The following ZMIZ2 variants were observed in gnomAD, a reference collection of about 807,000 sequenced individuals.
The protein encoded by ZMIZ2 is zinc finger MIZ-type containing 2, also known as zinc finger MIZ domain-containing protein 2.
ZMIZ2 carries 26 observed loss-of-function variants against 93.9 expected under a neutral mutation model. That is an observed-to-expected ratio of 0.28 (90% confidence interval 0.20 to 0.38). The LOEUF (loss-of-function observed/expected upper bound fraction) is 0.38. Ranked by LOEUF, ZMIZ2 falls within the 10% of genes least tolerant of loss-of-function variation. The pLI is 1.00. For missense variants in ZMIZ2, 1,023 were observed against 1,235.0 expected (o/e 0.83, Z 2.57); for synonymous variants, 485 against 516.4 (o/e 0.94, Z 0.82).
Position 44,760,469 on chromosome 7 carries a change from G to A in ZMIZ2, c.1116G>A (p.Gly372=), listed in dbSNP as rs752006939. 6 of 1,613,932 alleles carry A rather than the reference G, an allele frequency of 3.7e-6. No homozygotes were observed. Among genetic ancestry groups the A allele is most frequent in the African/African-American group, 2.7e-5 (2 of 74,860 alleles). Residue 372 remains glycine (G), a synonymous_variant, in exon 9 of 19, where the codon GGG becomes GGA. Coordinates refer to ENST00000309315, the MANE Select transcript of ZMIZ2 (RefSeq NM_031449.4). ...GCTATCCCAGTTCCCCACTGCCAGG[G>A]AACCCCACGCCACCCATGACCCCAA... ...IPGYPSSPLP[G]NPTPPMTPSS...
chr7:44,761,449 G>A lies in ZMIZ2; in HGVS notation c.1241G>A (p.Gly414Glu). 1 of 1,612,890 alleles carries A rather than the reference G, an allele frequency of 6.2e-7. No individual in the cohort carries two copies. Among genetic ancestry groups the A allele is most frequent in the Non-Finnish European group, 8.5e-7 (1 of 1,179,988 alleles). ...CACAGCCAGTGGCCTCTGCTCCCAG[G>A]AAGCGGGCCTTGTGACGAGTTGCGG... ...NLNSLHSSPS[G>E]SGPCDELRLT... Residue 414 changes from glycine (G) to glutamate (E), a missense_variant and splice_region_variant, in exon 10 of 19, where the codon GGA becomes GAA. Coordinates refer to ENST00000309315, the MANE Select transcript of ZMIZ2 (RefSeq NM_031449.4). The surrounding 1 kb of genome is among the most constrained non-coding windows in gnomAD (Gnocchi z 5.8).
chr7:44,761,518 G>A lies in ZMIZ2; in HGVS notation c.1310G>A (p.Arg437His), dbSNP rs774578378. The change falls in exon 10 of 19, where the codon CGC becomes CAC. Residue 437 changes from arginine to histidine, a missense_variant. Arg to His is a conservative substitution (Grantham distance 29, BLOSUM62 0). Transcript: ENST00000309315. The surrounding 1 kb of genome is among the most constrained non-coding windows in gnomAD (Gnocchi z 5.8). Reference sequence around the variant, plus strand: ...GATGGGGTGGTCCTGGAGCCCTTCCGCCTGCAGCACAACCTGGCTGTAAGC... The same window carrying A: ...GATGGGGTGGTCCTGGAGCCCTTCCACCTGCAGCACAACCTGGCTGTAAGC... ...VRDGVVLEPF[R>H]LQHNLAVSNH... 10 of 1,613,964 alleles carry A rather than the reference G, an allele frequency of 6.2e-6. No individual in the cohort carries two copies. The highest frequency in any genetic ancestry group is 5.0e-5 in the Admixed American group (3 of 60,000).
chr7:44,764,093 G>A (rs1207725791), intron 13 of ZMIZ2, among the ~76,000 whole-genome samples: 1 of 152,108 alleles, frequency 6.6e-6, no homozygotes, highest in Admixed American at 6.5e-5. Flanking sequence ...AGCTGAGATC[G>A]AGCCACTGCA....
chr7:44,750,733 C>G lies in ZMIZ2; in HGVS notation c.-63+1742C>G, dbSNP rs183129543. Among the ~76,000 whole-genome samples the G allele has an allele frequency of 2.0e-5, 3 of 150,514 alleles. No homozygotes were observed. The East Asian group carries it at 5.9e-4, about 30-fold the overall frequency. ...GTCTAGAGGAAGATGTGATCTGACC[C>G]CCGAGAAAGCCTTGTGGCCCTCTAG... is the stretch of plus-strand genomic sequence containing the variant. On this transcript the variant is annotated intron_variant, in intron 1 of 18. Coordinates refer to ENST00000309315, the MANE Select transcript of ZMIZ2 (RefSeq NM_031449.4).
intron 3 of ZMIZ2, 75 bp downstream of exon 3, chr7:44,756,614 G>A (rs1790616287): frequency 2.7e-6 from 4 of 1,486,202 alleles, no homozygotes; most frequent in South Asian, 1.1e-5. Context: ...TGCCTCCTCA[G>A]AGCTCTGAGA....
chr7:44,766,982 C>T lies in ZMIZ2; in HGVS notation c.2655+319C>T, dbSNP rs543307064. ...GTCCATTTGCTCAGTAGCCCTGGGT[C>T]TTGACTCACAGGTGGAATGGGAGTG... is the stretch of plus-strand genomic sequence containing the variant. On this transcript the variant is annotated intron_variant, in intron 18 of 18. Transcript: ENST00000309315. This position sits in a 1 kb window ranked among gnomAD's most constrained non-coding sequence, Gnocchi z 4.4. Among the ~76,000 whole-genome samples the T allele has an allele frequency of 2.3e-4, 35 of 152,226 alleles. No homozygotes were observed. Among genetic ancestry groups the T allele is most frequent in the Admixed American group, 5.2e-4 (8 of 15,290 alleles).
rs528564949 is a variant in ZMIZ2, at chr7:44,767,890, CCCAGCCCTGT to C, written c.*274_*283del. Reference sequence around the variant, plus strand: ...AACGGTTTTTGCTGAGGTGCCCCTGCCCAGCCCTGTCCAGCCTTGTCCACACACACATCTC... The same window carrying C: ...AACGGTTTTTGCTGAGGTGCCCCTGCCCAGCCTTGTCCACACACACATCTC... On this transcript the variant is annotated 3_prime_UTR_variant, in exon 19 of 19. Coordinates refer to ENST00000309315, the MANE Select transcript of ZMIZ2 (RefSeq NM_031449.4). 1,483 of 536,998 alleles carry C rather than the reference CCCAGCCCTGT, an allele frequency of 2.8e-3. 13 individuals carry two copies. Among genetic ancestry groups the C allele is most frequent in the African/African-American group, 0.023 (1,217 of 52,584 alleles). 33.3% of individuals were successfully genotyped at this position (536,998 alleles called of 1,614,324 possible).
Position 44,756,188 on chromosome 7 carries a change from C to G in ZMIZ2, c.-62C>G. 6.2e-7 allele frequency: 1 copy of G among 1,611,434 alleles called. No individual in the cohort carries two copies. ...ACATCCCTTCCTTCCTGTCGGGCAGCCAGAGCAGCTGAGTTCCAGATAAAA... is the reference window on the plus strand; with the variant it reads ...ACATCCCTTCCTTCCTGTCGGGCAGGCAGAGCAGCTGAGTTCCAGATAAAA... On this transcript the variant is annotated splice_region_variant and 5_prime_UTR_variant, in exon 2 of 19. Coordinates refer to ENST00000309315, the MANE Select transcript of ZMIZ2 (RefSeq NM_031449.4).
chr7:44,765,675 C>A lies in ZMIZ2; in HGVS notation c.2242+96C>A. The A allele has an allele frequency of 1.3e-6, 2 of 1,493,844 alleles. No individual in the cohort carries two copies. Among genetic ancestry groups the A allele is most frequent in the Non-Finnish European group, 9.0e-7 (1 of 1,109,646 alleles). 92.5% of individuals were successfully genotyped at this position (1,493,844 alleles called of 1,614,324 possible). A position where few individuals can be genotyped will look rare whatever the true frequency, so the allele number is the denominator to read the frequency against. On this transcript the variant is annotated intron_variant, in intron 16 of 18. Coordinates refer to ENST00000309315, the MANE Select transcript of ZMIZ2 (RefSeq NM_031449.4). This position sits in a 1 kb window ranked among gnomAD's most constrained non-coding sequence, Gnocchi z 4.1. ...CCTCACCTGCAAGAATGTGGCTATG[C>A]AGGTCACACACCTAGGTTATCAGTG...
chr7:44,766,152 C>T lies in ZMIZ2; in HGVS notation c.2243-12C>T. 1.2e-6 allele frequency: 2 copies of T among 1,608,446 alleles called. No individual in the cohort carries two copies. Among genetic ancestry groups the T allele is most frequent in the South Asian group, 2.2e-5 (2 of 90,582 alleles). On this transcript the variant is annotated splice_polypyrimidine_tract_variant and intron_variant, in intron 16 of 18. Transcript: ENST00000309315. The surrounding 1 kb of genome is among the most constrained non-coding windows in gnomAD (Gnocchi z 4.4). ...CCCAGCCCTCACCCAGGCCCCGACT[C>T]TCCTCTCACAGGTTCCAGCTTCCTG...
In ZMIZ2 at chr7:44,767,979, AC is replaced by A. The variant is rs1583668207; in HGVS notation, c.*359del. 2 of 348,288 alleles carry A rather than the reference AC, an allele frequency of 5.7e-6. No individual in the cohort carries two copies. The highest frequency in any genetic ancestry group is 1.4e-4 in the East Asian group (2 of 13,878). 21.6% of individuals were successfully genotyped at this position (348,288 alleles called of 1,614,324 possible). A position where few individuals can be genotyped will look rare whatever the true frequency, so the allele number is the denominator to read the frequency against. On this transcript the variant is annotated 3_prime_UTR_variant, in exon 19 of 19. Transcript: ENST00000309315. ...TGTCCTTCCACCCCTGCCTGCCCCC[AC>A]CCAGCCTGCTTCTTGTCCAGCATTG... is the stretch of plus-strand genomic sequence containing the variant.
chr7:44,765,271 G>T lies in ZMIZ2; in HGVS notation c.1998-64G>T. 1 of 1,595,130 alleles carries T rather than the reference G, an allele frequency of 6.3e-7. No homozygotes were observed. Among genetic ancestry groups the T allele is most frequent in the Non-Finnish European group, 8.5e-7 (1 of 1,169,630 alleles). ...CCTGGAAACAGCCCAGGGCTGGGAG[G>T]GGCAGTGGGTGCCGGGCCAGCAGCA... On this transcript the variant is annotated intron_variant, in intron 15 of 18. Coordinates refer to ENST00000309315, the MANE Select transcript of ZMIZ2 (RefSeq NM_031449.4). The surrounding 1 kb of genome is among the most constrained non-coding windows in gnomAD (Gnocchi z 4.1).
chr7:44,764,901 G>C (rs1361145931), intron 14 of ZMIZ2, 40 bp from the exon 15 acceptor site: 1 of 1,610,288 alleles, frequency 6.2e-7, no homozygotes, highest in African/African-American at 1.3e-5. Flanking sequence ...GGACAGGGTT[G>C]TGCAAGGTCT....
rs1791415494 is a variant in ZMIZ2 at position 44,763,596 on chromosome 7, TC to T, written c.1860+184del. ...GCTCCCCCAAGACTAGGCTATTTTT[TC>T]TTCCAAATATAATTGTCATTTTACT... On this transcript the variant is annotated intron_variant, in intron 13 of 18. Coordinates refer to ENST00000309315, the MANE Select transcript of ZMIZ2 (RefSeq NM_031449.4). This position sits in a 1 kb window ranked among gnomAD's most constrained non-coding sequence, Gnocchi z 5.6. 1.4e-6 allele frequency: 1 copy of T among 724,930 alleles called. No individual in the cohort carries two copies. Among genetic ancestry groups the T allele is most frequent in the Admixed American group, 3.1e-5 (1 of 32,024 alleles). 44.9% of individuals were successfully genotyped at this position (724,930 alleles called of 1,614,324 possible). A position where few individuals can be genotyped will look rare whatever the true frequency, so the allele number is the denominator to read the frequency against.
At position 44,767,569 on chromosome 7, in the gene ZMIZ2, C is replaced by T. The variant is rs759984505; in HGVS notation, c.2709C>T (p.Pro903=). ...AGCTACTGTCCTACTTGGGCCCACC[C>T]GACCTCCCTACGAACAACAATGACG... ...PDELLSYLGP[P]DLPTNNNDDL... Residue 903 remains proline, a synonymous_variant, in exon 19 of 19, where the codon CCC becomes CCT. Coordinates refer to ENST00000309315, the MANE Select transcript of ZMIZ2 (RefSeq NM_031449.4). 40 of 1,614,016 alleles carry T rather than the reference C, an allele frequency of 2.5e-5. No individual in the cohort carries two copies. The highest frequency in any genetic ancestry group is 1.0e-4 in the Admixed American group (6 of 60,008).
At chr7:44,748,781 T>C (rs1789851027), upstream of ZMIZ2, 2 of 151,140 alleles carry the variant, frequency 1.3e-5, 1 homozygote, top group South Asian at 3.7e-4. Context: ...TCTGCTGCTC[T>C]GGCCTGGGAG....
rs1790571099 is a variant in ZMIZ2, at chr7:44,756,178, T to C, written c.-62-10T>C. 5.0e-6 allele frequency: 8 copies of C among 1,609,194 alleles called. No individual in the cohort carries two copies. Among genetic ancestry groups the C allele is most frequent in the African/African-American group, 2.7e-5 (2 of 74,948 alleles). On this transcript the variant is annotated splice_polypyrimidine_tract_variant and intron_variant, in intron 1 of 18. Coordinates refer to ENST00000309315, the MANE Select transcript of ZMIZ2 (RefSeq NM_031449.4). ...ATCGCAGCTAACATCCCTTCCTTCC[T>C]GTCGGGCAGCCAGAGCAGCTGAGTT...
chr7:44,765,244 T>C lies in ZMIZ2; in HGVS notation c.1998-91T>C. ...AAGCAAGCATTTGAGTGGGGGAACCTGCCTGGAAACAGCCCAGGGCTGGGA... is the reference window on the plus strand; with the variant it reads ...AAGCAAGCATTTGAGTGGGGGAACCCGCCTGGAAACAGCCCAGGGCTGGGA... On this transcript the variant is annotated intron_variant, in intron 15 of 18. Coordinates refer to ENST00000309315, the MANE Select transcript of ZMIZ2 (RefSeq NM_031449.4). This position sits in a 1 kb window ranked among gnomAD's most constrained non-coding sequence, Gnocchi z 4.1. 6.4e-7 allele frequency: 1 copy of C among 1,572,370 alleles called. No homozygotes were observed. The highest frequency in any genetic ancestry group is 8.6e-7 in the Non-Finnish European group (1 of 1,159,376).
chr7:44,763,323 G>A lies in ZMIZ2; in HGVS notation c.1770G>A (p.Glu590=), dbSNP rs746979452. The A allele has an allele frequency of 2.5e-6, 4 of 1,614,040 alleles. No homozygotes were observed. Among genetic ancestry groups the A allele is most frequent in the African/African-American group, 1.3e-5 (1 of 74,936 alleles). ...TPGPNGEDGV[E]QTAIKVSLKC... Reference sequence around the variant, plus strand: ...GGCCCAACGGAGAGGACGGGGTGGAGCAGACAGCTATCAAGGTGTCCCTGA... The same window carrying A: ...GGCCCAACGGAGAGGACGGGGTGGAACAGACAGCTATCAAGGTGTCCCTGA... The change falls in exon 13 of 19, where the codon GAG becomes GAA. Residue 590 remains glutamate (E), a synonymous_variant. Coordinates refer to ENST00000309315, the MANE Select transcript of ZMIZ2 (RefSeq NM_031449.4). The surrounding 1 kb of genome is among the most constrained non-coding windows in gnomAD (Gnocchi z 5.6).
Sources: allele counts gnomAD v4.1 joint callset (sites outside exome capture counted in the v4.1 genomes callset), GRCh38; gene constraint gnomAD v4.1.1; non-coding constraint Gnocchi (gnomAD v3.1); transcripts MANE v1.5; gene names NCBI Gene and HGNC (gene_info 2026-07-23, HGNC 2026-07-21).